Variants in CHRNA6 observed in about 807,000 individuals in gnomAD.
CHRNA6 encodes the protein neuronal acetylcholine receptor subunit alpha-6.
A neutral mutation model predicts 40.9 loss-of-function variants in CHRNA6; 31 were observed. The ratio of observed to expected loss-of-function variants is 0.76; its 90% CI spans 0.57 to 1.02. The LOEUF (loss-of-function observed/expected upper bound fraction) is 1.02. Among genes scored for constraint, CHRNA6 ranks in the 50% least tolerant of loss-of-function variants. The pLI is 0.00. For synonymous variants in CHRNA6, 222 were observed against 221.3 expected, an observed-to-expected ratio of 1.00 and a Z score of -0.03; for missense variants, 546 against 596.6, an observed-to-expected ratio of 0.92 and a Z score of 0.88.
At chr8:42,755,720 G>A in intron 5 of CHRNA6, 126 bp downstream of exon 5, 1 of 1,081,706 alleles carries the variant, frequency 9.2e-7, no homozygotes, top group South Asian at 1.5e-5. Flanking sequence ...ACAGAGCCAG[G>A]TCTCAGAGCA....
chr8:42,755,660 C>T (rs538675322), intron 5 of CHRNA6, among the ~76,000 whole-genome samples, 186 bp downstream of exon 5: 9 of 152,136 alleles, frequency 5.9e-5, no homozygotes, highest in Non-Finnish European at 1.0e-4. Context: ...CACCTGACCC[C>T]GCTCCACTGG....
At chr8:42,762,601 A>G (rs1300182774) in intron 2 of CHRNA6, among the ~76,000 whole-genome samples, 1 of 152,200 alleles carries the variant, frequency 6.6e-6, no homozygotes, top group Non-Finnish European at 1.5e-5. Context: ...GTGAGCCAAG[A>G]TCACGCCACT....
chr8:42,760,036 T>C (rs1218575660), intron 2 of CHRNA6, among the ~76,000 whole-genome samples: 6 of 152,222 alleles, frequency 3.9e-5, no homozygotes, highest in Non-Finnish European at 2.9e-5. Flanking sequence ...TCTATAAATA[T>C]TGGGAATACA....
chr8:42,760,485 C>T (rs1283357439), intron 2 of CHRNA6, among the ~76,000 whole-genome samples: 1 of 151,998 alleles, frequency 6.6e-6, no homozygotes, highest in African/African-American at 2.4e-5. Context: ...TGCATACTCA[C>T]TCATGCACAT....
rs989145751 is a variant in CHRNA6 at position 42,756,263 on chromosome 8, G to A, written c.936C>T (p.Ile312=). ...TCACCACGATGGACAGTGTGACAAA[G>A]ATCATGGTGAACAGCAGGTACTCAC... ...LVGEYLLFTM[I]FVTLSIVVTV... The change falls in exon 5 of 6, where the codon ATC becomes ATT. Residue 312 remains isoleucine, a synonymous_variant. Transcript: ENST00000276410. The A allele has an allele frequency of 2.5e-6, 4 of 1,614,144 alleles. No homozygotes were observed. In the African/African-American group the frequency reaches 5.3e-5, roughly 22 times the overall value.
intron 3 of CHRNA6, among the ~76,000 whole-genome samples, chr8:42,757,719 C>T (rs560121656): frequency 4.1e-5 from 5 of 121,124 alleles, no homozygotes; most frequent in African/African-American, 1.0e-4. Context: ...GGCGACGGAC[C>T]GGGACTCTGT....
chr8:42,755,043 T>TTG (rs1816773494), intron 5 of CHRNA6, among the ~76,000 whole-genome samples: 1 of 147,366 alleles, frequency 6.8e-6, no homozygotes. Flanking sequence ...TGCAGGGGCT[T>TTG]TTTTTTTTTT....
rs991049194 is a variant in CHRNA6 at position 42,768,546 on chromosome 8, G to C, written c.-116C>G. The C allele has an allele frequency of 2.9e-6, 2 of 694,726 alleles. No homozygotes were observed. The highest frequency in any genetic ancestry group is 3.6e-5 in the African/African-American group (2 of 56,208). 43.0% of individuals were successfully genotyped at this position (694,726 alleles called of 1,614,324 possible). ...TCATCAGAAGCCCACTGCAATCCGT[G>C]TGTGTCTTCTCAGAAATCAAAACAT... On this transcript the variant is annotated 5_prime_UTR_variant, in exon 1 of 6. Coordinates refer to ENST00000276410, the MANE Select transcript of CHRNA6 (RefSeq NM_004198.3).
Position 42,756,941 on chromosome 8 carries a change from C to A in CHRNA6, c.361G>T (p.Val121Phe). The A allele has an allele frequency of 6.2e-7, 1 of 1,613,792 alleles. No individual in the cohort carries two copies. Among genetic ancestry groups the A allele is most frequent in the Non-Finnish European group, 8.5e-7 (1 of 1,179,660 alleles). ...AGAGACCCATACTTGTTATAGAGAA[C>A]AATGTCGGGCTTCCAAATCTTATCT... ...PADKIWKPDI[V>F]LYNNAVGDFQ... is the part of the protein sequence containing the mutation. Residue 121 changes from valine to phenylalanine, a missense_variant, in exon 4 of 6, where the codon GTT becomes TTT. Val to Phe is a conservative substitution (Grantham distance 50). This residue lies in a region of CHRNA6 where 476 missense variants were observed against 494.5 expected (regional missense o/e 0.96). Coordinates refer to ENST00000276410, the MANE Select transcript of CHRNA6 (RefSeq NM_004198.3).
intron 2 of CHRNA6, among the ~76,000 whole-genome samples, chr8:42,759,906 A>C (rs1816871032): frequency 6.6e-6 from 1 of 151,980 alleles, no homozygotes; most frequent in Non-Finnish European, 1.5e-5. Context: ...AAAAAAAAAA[A>C]AAAAAAAAGT....
At chr8:42,757,707 TAGGC>T (rs1816827009) in intron 3 of CHRNA6, among the ~76,000 whole-genome samples, 1 of 129,708 alleles carries the variant, frequency 7.7e-6, no homozygotes, top group Admixed American at 8.9e-5. Context: ...CACTCCAGCC[TAGGC>T]GACGGACCGG....
chr8:42,759,100 T>C lies in CHRNA6; in HGVS notation c.233A>G (p.Gln78Arg). 1 of 1,613,426 alleles carries C rather than the reference T, an allele frequency of 6.2e-7. No individual in the cohort carries two copies. The highest frequency in any genetic ancestry group is 8.5e-7 in the Non-Finnish European group (1 of 1,179,302). Reference sequence around the variant, plus strand: ...CAGCCACAAATTGGTTTCCATGATCTGGTTTACTTCATCCTGGGAAGAAGA... The same window carrying C: ...CAGCCACAAATTGGTTTCCATGATCCGGTTTACTTCATCCTGGGAAGAAGA... ...TQLANVDEVNQIMETNLWLRH... is the reference protein window; with the variant it reads ...TQLANVDEVNRIMETNLWLRH... Residue 78 changes from glutamine to arginine, a missense_variant, in exon 3 of 6, where the codon CAG becomes CGG. Around this residue, in one of 3 missense-constraint regions of CHRNA6, gnomAD observed 476 missense variants for 494.5 expected, o/e 0.96. Coordinates refer to ENST00000276410, the MANE Select transcript of CHRNA6 (RefSeq NM_004198.3).
At chr8:42,755,823 G>C in intron 5 of CHRNA6, 23 bp downstream of exon 5, 1 of 1,599,054 alleles carries the variant, frequency 6.3e-7, no homozygotes, top group African/African-American at 1.3e-5. Context: ...CAAGCTGGCT[G>C]GGTGGAGGGA....
chr8:42,765,489 A>G (rs529186906), intron 1 of CHRNA6, among the ~76,000 whole-genome samples: 7 of 152,338 alleles, frequency 4.6e-5, no homozygotes, highest in African/African-American at 1.4e-4. Flanking sequence ...CTTAAAGTCT[A>G]AGGCACTGCA....
At chr8:42,765,013 A>G in intron 2 of CHRNA6, 52 bp downstream of exon 2, 4 of 1,579,300 alleles carry the variant, frequency 2.5e-6, no homozygotes, top group Non-Finnish European at 3.5e-6. Flanking sequence ...TTCATTTACC[A>G]CCTGCAAAAG....
At chr8:42,757,165 A>G (rs1816816857) in intron 3 of CHRNA6, 128 bp from the exon 4 acceptor site, 2 of 664,834 alleles carry the variant, frequency 3.0e-6, no homozygotes, top group Non-Finnish European at 5.2e-6. Context: ...CAGGAGGTCG[A>G]GACCAGCCTG....
chr8:42,759,315 G>A, intron 2 of CHRNA6: 1 of 556,224 alleles, frequency 1.8e-6, no homozygotes, highest in Middle Eastern at 4.2e-4. Flanking sequence ...TGGATTTTGA[G>A]AGGCAATGTG....
intron 2 of CHRNA6, among the ~76,000 whole-genome samples, chr8:42,762,520 A>T (rs1386666296): frequency 6.6e-6 from 1 of 152,132 alleles, no homozygotes; most frequent in East Asian, 1.9e-4. Flanking sequence ...ATAGTGGCAC[A>T]TGCCTGCAAT....
chr8:42,759,613 G>T (rs969191911), intron 2 of CHRNA6, among the ~76,000 whole-genome samples: 31 of 151,980 alleles, frequency 2.0e-4, no homozygotes, highest in African/African-American at 7.5e-4. Context: ...GCCAGCCTCA[G>T]CCAGCTGGGC....
Sources: allele counts gnomAD v4.1 joint callset (sites outside exome capture counted in the v4.1 genomes callset), GRCh38; gene constraint gnomAD v4.1.1; regional missense constraint gnomAD v4.1.1; transcripts MANE v1.5; gene names NCBI Gene and HGNC (gene_info 2026-07-23, HGNC 2026-07-21).